The following ITPR1 variants were observed in gnomAD, a reference collection of about 807,000 sequenced individuals.
ITPR1 encodes the protein inositol 1,4,5-trisphosphate-gated calcium channel ITPR1.
In ITPR1, 96 loss-of-function variants were observed where a neutral mutation model predicts 318.4. That is an observed-to-expected ratio of 0.30 (90% CI 0.26 to 0.36). ITPR1 has a LOEUF of 0.36. Among genes scored for constraint, ITPR1 ranks in the 10% least tolerant of loss-of-function variants. ITPR1 has a pLI of 1.00. For missense variants in ITPR1, 2,440 were observed against 3,460.2 expected, an observed-to-expected ratio of 0.71 and a Z score of 7.40; for synonymous variants, 1,312 against 1,289.9, an observed-to-expected ratio of 1.02 and a Z score of -0.37.
At chr3:4,535,647 G>T (rs1008310248) in intron 4 of ITPR1, among the ~76,000 whole-genome samples, 1 of 151,592 alleles carries the variant, frequency 6.6e-6, no homozygotes, top group Non-Finnish European at 1.5e-5. Context: ...GGGTTTCACT[G>T]TGTTAGCCAG....
rs752705339 is a variant in ITPR1 at position 4,818,043 on chromosome 3, T to C, written c.7868-39T>C. On this transcript the variant is annotated intron_variant, in intron 59 of 61. Transcript: ENST00000649015. The stretch of plus-strand genomic sequence containing the variant: ...ATTGATTTTTTTTCTTTACCAAGGC[T>C]GCTCAGCTGGGGCTGGGGGCTTTTT... The C allele has an allele frequency of 6.4e-6, 10 of 1,558,686 alleles. No homozygotes were observed. In the East Asian group the frequency reaches 2.3e-4, roughly 36 times the overall value.
intron 60 of ITPR1, among the ~76,000 whole-genome samples, chr3:4,829,914 G>T (rs7432768): frequency 0.49 from 70,604 of 143,728 alleles, 18,721 homozygotes; most frequent in East Asian, 0.79. Context: ...TCCAAAGATG[G>T]GATCCATTTT....
In ITPR1 at chr3:4,600,764, C is replaced by T. The variant is rs565148617; in HGVS notation, c.164-26999C>T. Among the ~76,000 whole-genome samples, 20 of 152,112 alleles carry T rather than the reference C, an allele frequency of 1.3e-4. No individual in the cohort carries two copies. The South Asian group carries it at 2.5e-3, about 19-fold the overall frequency. On this transcript the variant is annotated intron_variant, in intron 4 of 61. Transcript: ENST00000649015. ...TGGGTCACATGAGCTAATTTCCTGT[C>T]GCTCTAAAATTGATTCACTCCCCAC...
chr3:4,604,636 G>T (rs148323130), intron 4 of ITPR1, among the ~76,000 whole-genome samples: 1 of 152,102 alleles, frequency 6.6e-6, no homozygotes, highest in African/African-American at 2.4e-5. Context: ...CGCATGGGCC[G>T]TGTGTGAATG....
chr3:4,764,471 C>A (rs1184023359), intron 44 of ITPR1, among the ~76,000 whole-genome samples: 1 of 152,218 alleles, frequency 6.6e-6, no homozygotes, highest in East Asian at 1.9e-4. Context: ...TCAGGCGAGG[C>A]ATCTGCCTTC....
chr3:4,645,021 AT>A (rs1376134641), intron 8 of ITPR1, among the ~76,000 whole-genome samples: 11 of 151,904 alleles, frequency 7.2e-5, no homozygotes, highest in African/African-American at 2.2e-4. Flanking sequence ...CACTGGACTC[AT>A]TTTTTTTCCC....
In ITPR1 at chr3:4,606,758, G is replaced by C. The variant is rs79619571; in HGVS notation, c.164-21005G>C. Among the ~76,000 whole-genome samples, 23 of 152,258 alleles carry C rather than the reference G, an allele frequency of 1.5e-4. No individual in the cohort carries two copies. The East Asian group carries it at 2.1e-3, about 14-fold the overall frequency. Reference sequence around the variant, plus strand: ...TGTAGCTATCTGCTTAGGAATAGGAGGAAAGGCTCTTGCATGACTCAGCTT... The same window carrying C: ...TGTAGCTATCTGCTTAGGAATAGGACGAAAGGCTCTTGCATGACTCAGCTT... On this transcript the variant is annotated intron_variant, in intron 4 of 61. Transcript: ENST00000649015.
At chr3:4,696,783 G>A (rs1290611675) in intron 33 of ITPR1, among the ~76,000 whole-genome samples, 1 of 151,426 alleles carries the variant, frequency 6.6e-6, no homozygotes, top group Non-Finnish European at 1.5e-5. Flanking sequence ...AGATCTAGGG[G>A]CATTCTTCAT....
chr3:4,731,744 C>T (rs922148834), intron 42 of ITPR1, among the ~76,000 whole-genome samples: 2 of 152,154 alleles, frequency 1.3e-5, no homozygotes, highest in South Asian at 2.1e-4. Context: ...CTTGGTCCCC[C>T]ACTTCTCCCA....
chr3:4,637,106 C>G (rs2093213470), intron 5 of ITPR1, among the ~76,000 whole-genome samples: 1 of 152,232 alleles, frequency 6.6e-6, no homozygotes, highest in African/African-American at 2.4e-5. Flanking sequence ...TACTTAAGAA[C>G]TCTCTAAAGG....
chr3:4,721,089 T>C (rs2125299249), intron 40 of ITPR1, among the ~76,000 whole-genome samples: 1 of 150,448 alleles, frequency 6.6e-6, no homozygotes, highest in African/African-American at 2.5e-5. Context: ...ACAGAACCTA[T>C]TGCAAAGTCA....
intron 4 of ITPR1, among the ~76,000 whole-genome samples, chr3:4,550,106 CATT>C (rs2085407066): frequency 6.6e-6 from 1 of 151,206 alleles, no homozygotes; most frequent in Non-Finnish European, 1.5e-5. Context: ...ATTCCCCTGT[CATT>C]ATTAGCAAGT....
intron 42 of ITPR1, among the ~76,000 whole-genome samples, chr3:4,732,569 G>T (rs189925096): frequency 6.6e-6 from 1 of 151,980 alleles, no homozygotes; most frequent in African/African-American, 2.4e-5. Context: ...TGTTGTTTTG[G>T]TTTGTCTTTT....
intron 20 of ITPR1, chr3:4,671,936 A>G (rs886587564): frequency 1.3e-5 from 2 of 152,230 alleles, no homozygotes; most frequent in Admixed American, 1.3e-4. Context: ...CTGTACTCCA[A>G]ATACCATTCT....
At chr3:4,740,861 A>T (rs1049061197) in intron 44 of ITPR1, among the ~76,000 whole-genome samples, 9 of 152,252 alleles carry the variant, frequency 5.9e-5, no homozygotes, top group African/African-American at 2.2e-4. Context: ...CTTGTCTTGA[A>T]GAGAACTTCC....
intron 11 of ITPR1, among the ~76,000 whole-genome samples, 196 bp from the exon 12 acceptor site, chr3:4,653,646 C>T (rs2093643833): frequency 1.3e-5 from 2 of 152,128 alleles, no homozygotes; most frequent in Admixed American, 1.3e-4. Context: ...CTCTTGGTGA[C>T]TGGTGGATGT....
At chr3:4,645,262 C>G (rs2125158805) in intron 8 of ITPR1, 125 bp from the exon 9 acceptor site, 1 of 702,476 alleles carries the variant, frequency 1.4e-6, no homozygotes, top group Non-Finnish European at 2.6e-6. Flanking sequence ...TTAGTGGCGT[C>G]AATCTTTAGA....
At chr3:4,503,663 A>G (rs900421710) in intron 2 of ITPR1, among the ~76,000 whole-genome samples, 1 of 152,080 alleles carries the variant, frequency 6.6e-6, no homozygotes, top group Non-Finnish European at 1.5e-5. Context: ...TATGGTGCAC[A>G]GGATAGCCCC....
At chr3:4,682,934 G>C (rs2094327707) in intron 26 of ITPR1, among the ~76,000 whole-genome samples, 1 of 152,144 alleles carries the variant, frequency 6.6e-6, no homozygotes, top group Non-Finnish European at 1.5e-5. Context: ...CATTCCTATA[G>C]TCCCAGCTAC....
Sources: gnomAD v4.1 joint callset for allele counts (sites outside exome capture counted in the v4.1 genomes callset) on GRCh38, gnomAD v4.1.1 for gene constraint, MANE v1.5 for transcripts, NCBI Gene and HGNC (gene_info 2026-07-23, HGNC 2026-07-21) for gene names.